DENND1A: variants seen among roughly 807,000 people sequenced by gnomAD.
DENND1A encodes DENN domain-containing protein 1A.
A neutral mutation model predicts 113.7 loss-of-function variants in DENND1A; 51 were observed. That is an observed-to-expected ratio of 0.45 (90% CI 0.36 to 0.57). The LOEUF (loss-of-function observed/expected upper bound fraction) is 0.57, where lower values mean the gene tolerates loss of function less well. DENND1A is among the 20% of genes least tolerant of loss of function. The pLI, the probability that DENND1A is intolerant of heterozygous loss-of-function variation, is 0.00. For missense variants in DENND1A, 1,258 were observed against 1,395.9 expected (o/e 0.90, Z 1.57); for synonymous variants, 565 against 570.8 (o/e 0.99, Z 0.14).
chr9:123,873,380 T>G (rs1424025047), intron 2 of DENND1A, among the ~76,000 whole-genome samples: 1 of 152,198 alleles, frequency 6.6e-6, no homozygotes, highest in Non-Finnish European at 1.5e-5. Flanking sequence ...ACAGATGTCA[T>G]GAGATGCTCT....
intron 5 of DENND1A, among the ~76,000 whole-genome samples, chr9:123,733,667 G>GTT (rs772573172): frequency 1.5e-5 from 2 of 137,214 alleles, no homozygotes; most frequent in African/African-American, 6.0e-5. Context: ...ATTCTTGTTG[G>GTT]TTATTTTTTT....
At chr9:123,714,756 A>G (rs2066865315) in intron 5 of DENND1A, among the ~76,000 whole-genome samples, 1 of 152,222 alleles carries the variant, frequency 6.6e-6, no homozygotes, top group Non-Finnish European at 1.5e-5. Context: ...AAGTGGGGGA[A>G]CAGACAAATT....
intron 13 of DENND1A, among the ~76,000 whole-genome samples, chr9:123,541,891 C>T (rs1459904604): frequency 6.6e-6 from 1 of 152,156 alleles, no homozygotes; most frequent in Non-Finnish European, 1.5e-5. Context: ...GAGGGCTTCC[C>T]AAAGTTTCAT....
At chr9:123,886,319 T>G (rs959315839) in intron 1 of DENND1A, among the ~76,000 whole-genome samples, 1 of 152,186 alleles carries the variant, frequency 6.6e-6, no homozygotes, top group Non-Finnish European at 1.5e-5. Flanking sequence ...ATAAAATGAA[T>G]CTGTGTTGCA....
At chr9:123,628,552 A>T (rs989334115) in intron 10 of DENND1A, among the ~76,000 whole-genome samples, 1 of 152,162 alleles carries the variant, frequency 6.6e-6, no homozygotes, top group Non-Finnish European at 1.5e-5. Context: ...ACACTCCCTG[A>T]GGAACAGAGC....
At chr9:123,511,018 C>T (rs565073744) in intron 13 of DENND1A, among the ~76,000 whole-genome samples, 33 of 152,292 alleles carry the variant, frequency 2.2e-4, no homozygotes, top group African/African-American at 7.0e-4. Flanking sequence ...TAGGAAAACA[C>T]TGTGACCTCA....
intron 1 of DENND1A, among the ~76,000 whole-genome samples, chr9:123,913,899 CA>C (rs539054836): frequency 0.01 from 1,086 of 108,040 alleles, 6 homozygotes; most frequent in African/African-American, 0.019. Flanking sequence ...ACTCCTATCT[CA>C]AAAAAAAAAA....
At chr9:123,699,193 TACTATC>T (rs1372583665) in intron 5 of DENND1A, among the ~76,000 whole-genome samples, 2 of 152,192 alleles carry the variant, frequency 1.3e-5, no homozygotes, top group African/African-American at 4.8e-5. Flanking sequence ...CAGCTGCTAT[TACTATC>T]ACTATTATTA....
chr9:123,731,743 T>C (rs10986093), intron 5 of DENND1A, among the ~76,000 whole-genome samples: 64,659 of 152,030 alleles, frequency 0.43, 17,098 homozygotes, highest in African/African-American at 0.75. Context: ...AAAATTAAAA[T>C]CATTTGTTCT....
At chr9:123,853,232 T>C (rs997390976) in intron 2 of DENND1A, among the ~76,000 whole-genome samples, 47 of 151,894 alleles carry the variant, frequency 3.1e-4, no homozygotes, top group Non-Finnish European at 4.9e-4. Flanking sequence ...AATTTTATTA[T>C]AAATAACCAG....
chr9:123,647,342 A>G (rs1157093614), intron 9 of DENND1A, among the ~76,000 whole-genome samples: 1 of 152,216 alleles, frequency 6.6e-6, no homozygotes, highest in Non-Finnish European at 1.5e-5. Flanking sequence ...ACACAATCAT[A>G]CACTTAGTTT....
At chr9:123,732,275 A>C (rs935241189) in intron 5 of DENND1A, among the ~76,000 whole-genome samples, 1 of 152,084 alleles carries the variant, frequency 6.6e-6, no homozygotes, top group Non-Finnish European at 1.5e-5. Context: ...TAATCATAAA[A>C]CCCCCAAACA....
intron 5 of DENND1A, among the ~76,000 whole-genome samples, chr9:123,743,304 G>T (rs759878842): frequency 6.6e-6 from 1 of 152,102 alleles, no homozygotes; most frequent in Non-Finnish European, 1.5e-5. Flanking sequence ...GGGAGGCTGA[G>T]GTGGGAGAAT....
intron 11 of DENND1A, among the ~76,000 whole-genome samples, chr9:123,587,712 C>T (rs185160007): frequency 2.0e-5 from 3 of 152,338 alleles, no homozygotes; most frequent in Non-Finnish European, 4.4e-5. Context: ...ACTGTTGGCT[C>T]ATTTTGGCAG....
At chr9:123,718,002 CCT>C (rs1220890158) in intron 5 of DENND1A, among the ~76,000 whole-genome samples, 1 of 152,208 alleles carries the variant, frequency 6.6e-6, no homozygotes, top group East Asian at 1.9e-4. Context: ...ACAGTCAGCT[CCT>C]GTTTTCTGGG....
chr9:123,465,521 A>G (rs2048876723), intron 13 of DENND1A, among the ~76,000 whole-genome samples: 1 of 152,302 alleles, frequency 6.6e-6, no homozygotes, highest in African/African-American at 2.4e-5. Flanking sequence ...ATACAATGCC[A>G]ACCTACCTCA....
At chr9:123,554,475 C>A (rs1168850057) in intron 13 of DENND1A, among the ~76,000 whole-genome samples, 1 of 152,204 alleles carries the variant, frequency 6.6e-6, no homozygotes, top group East Asian at 1.9e-4. Context: ...AGCAATCTTA[C>A]ATGGGGAATG....
At position 123,905,273 on chromosome 9, in the gene DENND1A, C is replaced by T. The variant is rs569860859; in HGVS notation, c.17+24616G>A. On this transcript the variant is annotated intron_variant, in intron 1 of 23. Transcript: ENST00000394215. ...AATCATGCCAAAATGTAAAGACCAT[C>T]GAGACTAGGAAGAAACTGCATCAAC... Among the ~76,000 whole-genome samples, 61 of 151,762 alleles carry T rather than the reference C, an allele frequency of 4.0e-4. 1 individual carries two copies. The highest frequency in any genetic ancestry group is 5.3e-4 in the Non-Finnish European group (36 of 67,974).
chr9:123,711,497 AT>A (rs1763305167), intron 5 of DENND1A, among the ~76,000 whole-genome samples: 1 of 91,290 alleles, frequency 1.1e-5, no homozygotes, highest in South Asian at 3.6e-4. Context: ...ATATATATAT[AT>A]ATATATGTAT....
Sources: allele counts gnomAD v4.1 joint callset (sites outside exome capture counted in the v4.1 genomes callset), GRCh38; gene constraint gnomAD v4.1.1; transcripts MANE v1.5; gene names NCBI Gene and HGNC (gene_info 2026-07-23, HGNC 2026-07-21).